Variants in RBMS1 observed in about 807,000 individuals in gnomAD.
RBMS1 encodes the protein RNA binding motif single stranded interacting protein 1.
A neutral mutation model predicts 62.3 loss-of-function variants in RBMS1; 17 were observed. The ratio of observed to expected loss-of-function variants is 0.27; its 90% CI spans 0.19 to 0.41. The LOEUF is 0.41. Ranked by LOEUF, RBMS1 falls within the 10% of genes least tolerant of loss-of-function variation. RBMS1 has a pLI of 1.00. For missense variants in RBMS1, 334 were observed against 504.5 expected (o/e 0.66, Z 3.24); for synonymous variants, 172 against 170.0 (o/e 1.01, Z -0.09).
In RBMS1 at chr2:160,318,228, C is replaced by CAA; in HGVS notation, c.252-2_252-1insTT. 1.5e-6 allele frequency: 1 copy of CAA among 654,044 alleles called. No individual in the cohort carries two copies. Among genetic ancestry groups the CAA allele is most frequent in the Non-Finnish European group, 2.1e-6 (1 of 487,648 alleles). 40.5% of individuals were successfully genotyped at this position (654,044 alleles called of 1,614,324 possible). On this transcript the variant is annotated splice_acceptor_variant, in intron 2 of 13. Transcript: ENST00000348849. LOFTEE classifies it high-confidence loss of function. ...CTTTGTGGAGACTATTTTCCCATATCTAAAAAAAAAAAAAAAAAAAAAAAG... is the reference window on the plus strand; with the variant it reads ...CTTTGTGGAGACTATTTTCCCATATCAATAAAAAAAAAAAAAAAAAAAAAAAG...
intron 6 of RBMS1, 42 bp from the exon 7 acceptor site, chr2:160,287,126 G>T: frequency 6.2e-7 from 1 of 1,604,648 alleles, no homozygotes. Flanking sequence ...ACAATGATAC[G>T]TGTATGTGGA....
chr2:160,448,615 G>C (rs540898050), intron 1 of RBMS1, among the ~76,000 whole-genome samples: 34 of 152,356 alleles, frequency 2.2e-4, no homozygotes, highest in African/African-American at 8.2e-4. Flanking sequence ...GCCCAGGCTG[G>C]AGTGCAGTGG....
rs150644213 is a variant in RBMS1, at chr2:160,467,758, C to T, written c.75+25531G>A. 8.3e-3 allele frequency among the ~76,000 whole-genome samples: 1,264 copies of T among 152,272 alleles called. 22 individuals carry two copies. The highest frequency in any genetic ancestry group is 0.027 in the African/African-American group (1,123 of 41,538). ...TTTTAAATGTTCCAAAATGAAGAGT[C>T]TGACAGAAGACTGCTACAGAAAACT... On this transcript the variant is annotated intron_variant, in intron 1 of 13. Coordinates refer to ENST00000348849, the MANE Select transcript of RBMS1 (RefSeq NM_016836.4).
chr2:160,350,142 A>T (rs1382452662), intron 2 of RBMS1, among the ~76,000 whole-genome samples: 1 of 151,504 alleles, frequency 6.6e-6, no homozygotes, highest in African/African-American at 2.4e-5. Context: ...GGCAGAAAAT[A>T]TAAGGTCTTG....
At chr2:160,450,648 C>A (rs28409476) in intron 1 of RBMS1, among the ~76,000 whole-genome samples, 2 of 150,418 alleles carry the variant, frequency 1.3e-5, no homozygotes, top group Non-Finnish European at 2.9e-5. Flanking sequence ...TGCCTTCTTC[C>A]TTTGGATTAA....
chr2:160,382,686 C>T (rs927287133), intron 1 of RBMS1, among the ~76,000 whole-genome samples: 2 of 152,232 alleles, frequency 1.3e-5, no homozygotes, highest in Non-Finnish European at 1.5e-5. Context: ...AAAAATGACA[C>T]CTTCACTCCA....
At chr2:160,304,284 G>A (rs1161872639) in intron 4 of RBMS1, among the ~76,000 whole-genome samples, 1 of 152,126 alleles carries the variant, frequency 6.6e-6, no homozygotes, top group African/African-American at 2.4e-5. Context: ...GAATAATTAT[G>A]TAACTGTAGG....
At chr2:160,294,846 C>A (rs1688853374) in intron 6 of RBMS1, among the ~76,000 whole-genome samples, 1 of 152,142 alleles carries the variant, frequency 6.6e-6, no homozygotes, top group Non-Finnish European at 1.5e-5. Context: ...GCTCATTCAA[C>A]TGACCCCTGC....
intron 12 of RBMS1, 49 bp from the exon 13 acceptor site, chr2:160,275,763 C>A: frequency 1.2e-6 from 2 of 1,611,882 alleles, no homozygotes; most frequent in Non-Finnish European, 1.7e-6. Context: ...GAAAAAACCT[C>A]AGCTCTGCTA....
At chr2:160,382,886 A>G (rs1361880544) in intron 1 of RBMS1, among the ~76,000 whole-genome samples, 4 of 152,070 alleles carry the variant, frequency 2.6e-5, no homozygotes, top group Non-Finnish European at 5.9e-5. Context: ...AATGCATTTC[A>G]TCTCTTTAAA....
At chr2:160,430,089 C>T (rs1399295938) in intron 1 of RBMS1, among the ~76,000 whole-genome samples, 1 of 152,246 alleles carries the variant, frequency 6.6e-6, no homozygotes, top group Non-Finnish European at 1.5e-5. Context: ...AACTGTGAGG[C>T]ATGTCAATGA....
chr2:160,367,385 G>A lies in RBMS1; in HGVS notation c.82C>T (p.Leu28=). 6.2e-7 allele frequency: 1 copy of A among 1,614,080 alleles called. No homozygotes were observed. The highest frequency in any genetic ancestry group is 1.3e-5 in the African/African-American group (1 of 75,034). Residue 28 remains leucine, a synonymous_variant, in exon 2 of 14, where the codon CTG becomes TTG. Coordinates refer to ENST00000348849, the MANE Select transcript of RBMS1 (RefSeq NM_016836.4). The part of the protein sequence containing the change: ...YPQYLQAKQS[L]VPAHPMAPPS... ...GGGGCCATGGGGTGGGCTGGGACCA[G>A]AGACTGCTGGAAAACAAAGATCAGG...
intron 4 of RBMS1, among the ~76,000 whole-genome samples, chr2:160,310,441 A>G (rs1324089914): frequency 6.6e-6 from 1 of 152,232 alleles, no homozygotes; most frequent in African/African-American, 2.4e-5. Context: ...TGTATTTGCT[A>G]TGTAACTTGA....
At chr2:160,489,444 T>G (rs1451832545) in intron 1 of RBMS1, among the ~76,000 whole-genome samples, 1 of 152,208 alleles carries the variant, frequency 6.6e-6, no homozygotes, top group Non-Finnish European at 1.5e-5. Flanking sequence ...GCAACAGTTT[T>G]ATGTATCAAA....
intron 4 of RBMS1, among the ~76,000 whole-genome samples, chr2:160,305,581 TC>T (rs1689457450): frequency 6.6e-6 from 1 of 151,978 alleles, no homozygotes; most frequent in Admixed American, 6.6e-5. Flanking sequence ...CCAGAATATA[TC>T]CCCGTCATTA....
rs1328167471 is a variant in RBMS1, at chr2:160,286,949, A to T, written c.756+20T>A. 5 of 1,608,586 alleles carry T rather than the reference A, an allele frequency of 3.1e-6. No homozygotes were observed. In the South Asian group the frequency reaches 5.5e-5, roughly 18 times the overall value. On this transcript the variant is annotated intron_variant, in intron 7 of 13. Transcript: ENST00000348849. ...TCACACCCCCTCCCCCACCCCGCAA[A>T]GTTTCAAGAAAGGACTTACAAGTCT...
At chr2:160,324,880 G>GTATATATATATATATATATATA (rs747823378) in intron 2 of RBMS1, among the ~76,000 whole-genome samples, 4 of 76,090 alleles carry the variant, frequency 5.3e-5, no homozygotes, top group African/African-American at 7.9e-5. Flanking sequence ...GTGTGTGTGT[G>GTATATATATATATATATATATA]TGTATATATA....
chr2:160,336,375 T>C (rs1304442730), intron 2 of RBMS1, among the ~76,000 whole-genome samples: 1 of 152,178 alleles, frequency 6.6e-6, no homozygotes, highest in Non-Finnish European at 1.5e-5. Flanking sequence ...TGATACTGTA[T>C]GGCCTTGTTT....
At chr2:160,281,186 T>C in intron 10 of RBMS1, 128 bp downstream of exon 10, 1 of 556,342 alleles carries the variant, frequency 1.8e-6, no homozygotes, top group South Asian at 4.8e-5. Context: ...AATGAAATTG[T>C]ACATTCTCAT....
Sources: allele counts gnomAD v4.1 joint callset (sites outside exome capture counted in the v4.1 genomes callset), GRCh38; gene constraint gnomAD v4.1.1; transcripts MANE v1.5; gene names NCBI Gene and HGNC (gene_info 2026-07-23, HGNC 2026-07-21).